Variants in ATP6V1C2 observed in about 807,000 individuals in gnomAD.
ATP6V1C2 encodes V-type proton ATPase subunit C 2.
Under a neutral mutation model 56.8 loss-of-function variants are expected in ATP6V1C2, and 45 were observed. The observed-to-expected ratio is 0.79, with a 90% CI of 0.62 to 1.02. The LOEUF is 1.02. ATP6V1C2 is among the 50% of genes least tolerant of loss of function. ATP6V1C2 has a pLI of 0.00. For synonymous variants in ATP6V1C2, 220 were observed against 201.3 expected (o/e 1.09, Z -0.79); for missense variants, 463 against 519.7 (o/e 0.89, Z 1.06).
rs114711931 is a variant in ATP6V1C2, at chr2:10,760,949, G to T, written c.284-3382G>T. ...CATGGTTGCCGGCGGGGGTCTGTCA[G>T]TGTTTGAGCATGTTTATGGAGCACT... On this transcript the variant is annotated intron_variant, in intron 4 of 13. Coordinates refer to ENST00000272238, the MANE Select transcript of ATP6V1C2 (RefSeq NM_001039362.2). 6.7e-3 allele frequency among the ~76,000 whole-genome samples: 1,027 copies of T among 152,334 alleles called. 12 individuals are homozygous for T. The highest frequency in any genetic ancestry group is 0.024 in the African/African-American group (982 of 41,550).
At chr2:10,727,731 T>C (rs553005525) in intron 3 of ATP6V1C2, among the ~76,000 whole-genome samples, 1 of 151,860 alleles carries the variant, frequency 6.6e-6, no homozygotes, top group Non-Finnish European at 1.5e-5. Context: ...AAACTTCGTC[T>C]CTACTAAAAA....
chr2:10,766,009 G>A lies in ATP6V1C2; in HGVS notation c.378+1584G>A, dbSNP rs561963675. Among the ~76,000 whole-genome samples, 362 of 152,342 alleles carry A rather than the reference G, an allele frequency of 2.4e-3. 2 individuals carry two copies. The highest frequency in any genetic ancestry group is 8.4e-3 in the African/African-American group (349 of 41,580). ...TCTCTTACTGTCCGCCTCATGCCAT[G>A]GGGTGGACATCACTTTCCTCTGAGT... On this transcript the variant is annotated intron_variant, in intron 5 of 13. Coordinates refer to ENST00000272238, the MANE Select transcript of ATP6V1C2 (RefSeq NM_001039362.2).
intron 4 of ATP6V1C2, among the ~76,000 whole-genome samples, chr2:10,755,425 T>C (rs1160627207): frequency 6.6e-6 from 1 of 152,036 alleles, no homozygotes; most frequent in Non-Finnish European, 1.5e-5. Context: ...CAAGCGATCC[T>C]CCTGCCTTGG....
chr2:10,768,974 G>C (rs1291574999), intron 6 of ATP6V1C2, among the ~76,000 whole-genome samples, 164 bp downstream of exon 6: 3 of 152,224 alleles, frequency 2.0e-5, no homozygotes, highest in African/African-American at 7.2e-5. Flanking sequence ...CGCGTGCTGG[G>C]AGAGGAGGAA....
chr2:10,777,620 C>T lies in ATP6V1C2; in HGVS notation c.861C>T (p.Ser287=). The change falls in exon 11 of 14, where the codon TCC becomes TCT. Residue 287 remains serine (S), a synonymous_variant. Transcript: ENST00000272238. ...TSCVALKKGS[S]TFPDHKVKVT... ...GTGTTGCTCTTAAAAAGGGATCATC[C>T]ACCTTCCCGGACCACAAGGTTAAGG... 3 of 1,614,076 alleles carry T rather than the reference C, an allele frequency of 1.9e-6. No homozygotes were observed. The highest frequency in any genetic ancestry group is 2.5e-6 in the Non-Finnish European group (3 of 1,180,004).
Position 10,777,604 on chromosome 2 carries a change from T to A in ATP6V1C2, c.845T>A (p.Leu282His). The A allele has an allele frequency of 6.2e-7, 1 of 1,613,684 alleles. No individual in the cohort carries two copies. Among genetic ancestry groups the A allele is most frequent in the Non-Finnish European group, 8.5e-7 (1 of 1,179,900 alleles). ...KQQYQTSCVALKKGSSTFPDH... is the reference protein window; with the variant it reads ...KQQYQTSCVAHKKGSSTFPDH... ...CTTTAGCAAACTTCCTGTGTTGCTC[T>A]TAAAAAGGGATCATCCACCTTCCCG... is the stretch of plus-strand genomic sequence containing the variant. Residue 282 changes from leucine (L) to histidine (H), a missense_variant, in exon 11 of 14, where the codon CTT (leucine) becomes CAT (histidine). Leu to His is a moderately conservative substitution (Grantham distance 99). Coordinates refer to ENST00000272238, the MANE Select transcript of ATP6V1C2 (RefSeq NM_001039362.2).
At chr2:10,778,358 C>T (rs1294140835) in intron 11 of ATP6V1C2, 12 of 570,006 alleles carry the variant, frequency 2.1e-5, no homozygotes, top group African/African-American at 9.4e-5. Flanking sequence ...GTGCATGCAC[C>T]GGGTGGCTGG....
At chr2:10,745,663 C>G (rs1467575261) in intron 3 of ATP6V1C2, among the ~76,000 whole-genome samples, 1 of 151,958 alleles carries the variant, frequency 6.6e-6, no homozygotes, top group African/African-American at 2.4e-5. Context: ...GTGTACAGTT[C>G]AGTGGCGTTA....
intron 3 of ATP6V1C2, among the ~76,000 whole-genome samples, chr2:10,734,062 G>A (rs1001460812): frequency 6.6e-6 from 1 of 152,224 alleles, no homozygotes; most frequent in Non-Finnish European, 1.5e-5. Flanking sequence ...AAGAATGTCA[G>A]ATTGAGATGA....
intron 11 of ATP6V1C2, among the ~76,000 whole-genome samples, chr2:10,778,110 C>G (rs1665116201): frequency 6.6e-6 from 1 of 152,132 alleles, no homozygotes; most frequent in Non-Finnish European, 1.5e-5. Flanking sequence ...TGCTCCAAGA[C>G]TCTTGAGCTC....
intron 3 of ATP6V1C2, among the ~76,000 whole-genome samples, chr2:10,745,593 T>C (rs1250919499): frequency 6.6e-6 from 1 of 152,036 alleles, no homozygotes; most frequent in Non-Finnish European, 1.5e-5. Context: ...CACCTACCTC[T>C]GCCTCCTAAA....
At chr2:10,781,932 G>A (rs1467895747) in intron 12 of ATP6V1C2, among the ~76,000 whole-genome samples, 1 of 152,196 alleles carries the variant, frequency 6.6e-6, no homozygotes, top group Non-Finnish European at 1.5e-5. Flanking sequence ...AAACGCCTTG[G>A]AGTCCGAATG....
intron 3 of ATP6V1C2, among the ~76,000 whole-genome samples, chr2:10,752,080 C>A (rs115506114): frequency 0.011 from 1,697 of 151,954 alleles, 31 homozygotes; most frequent in African/African-American, 0.039. Flanking sequence ...AAAACAACAA[C>A]AACAAAAAAA....
At chr2:10,767,369 C>G (rs1018939510) in intron 5 of ATP6V1C2, among the ~76,000 whole-genome samples, 5 of 151,992 alleles carry the variant, frequency 3.3e-5, no homozygotes, top group Non-Finnish European at 5.9e-5. Flanking sequence ...CACCCTGTTG[C>G]CCAGGCTGGT....
intron 3 of ATP6V1C2, among the ~76,000 whole-genome samples, chr2:10,735,735 C>G (rs1662213054): frequency 7.4e-6 from 1 of 135,624 alleles, no homozygotes; most frequent in South Asian, 2.6e-4. Flanking sequence ...TGCCACTATG[C>G]CTGGCTAATT....
intron 8 of ATP6V1C2, among the ~76,000 whole-genome samples, chr2:10,774,074 G>T (rs1172387993): frequency 6.6e-6 from 1 of 152,244 alleles, no homozygotes; most frequent in Non-Finnish European, 1.5e-5. Context: ...TGGCCTCCCA[G>T]ACCAGAGCCT....
intron 3 of ATP6V1C2, among the ~76,000 whole-genome samples, chr2:10,735,098 A>T (rs11679916): frequency 4.6e-5 from 7 of 152,028 alleles, no homozygotes; most frequent in Non-Finnish European, 7.4e-5. Flanking sequence ...AAAAGAAAAA[A>T]ATATATATTT....
upstream of ATP6V1C2, chr2:10,721,555 C>T (rs1039174483): frequency 6.6e-6 from 1 of 152,060 alleles, no homozygotes; most frequent in Non-Finnish European, 1.5e-5. Flanking sequence ...GCGGACGGCC[C>T]GTATGCAAAT....
chr2:10,732,439 T>C (rs890448299), intron 3 of ATP6V1C2, among the ~76,000 whole-genome samples: 1 of 152,046 alleles, frequency 6.6e-6, no homozygotes, highest in South Asian at 2.1e-4. Flanking sequence ...TGTATTTTTT[T>C]AGTAGAGACG....
Sources: gnomAD v4.1 joint callset for allele counts (sites outside exome capture counted in the v4.1 genomes callset) on GRCh38, gnomAD v4.1.1 for gene constraint, MANE v1.5 for transcripts, NCBI Gene and HGNC (gene_info 2026-07-23, HGNC 2026-07-21) for gene names.